The following LDLRAD4 variants were observed in gnomAD, a reference collection of about 807,000 sequenced individuals.
The protein encoded by LDLRAD4 is low density lipoprotein receptor class A domain containing 4.
LDLRAD4 carries 5 observed loss-of-function variants against 17.0 expected under a neutral mutation model. The ratio of observed to expected loss-of-function variants is 0.29; its 90% CI spans 0.15 to 0.62. LDLRAD4 has a LOEUF of 0.62. LDLRAD4 is among the 20% of genes least tolerant of loss of function. The pLI, the probability that LDLRAD4 is intolerant of heterozygous loss-of-function variation, is 0.84. For missense variants in LDLRAD4, 340 were observed against 424.7 expected (o/e 0.80, Z 1.75); for synonymous variants, 168 against 171.8 (o/e 0.98, Z 0.17).
At chr18:13,563,600 G>T (rs1259134491) in intron 3 of LDLRAD4, among the ~76,000 whole-genome samples, 2 of 152,238 alleles carry the variant, frequency 1.3e-5, no homozygotes, top group Non-Finnish European at 2.9e-5. Flanking sequence ...AGGGCACAGA[G>T]CTTCCTTACT....
chr18:13,457,919 C>T (rs1212391245), intron 3 of LDLRAD4, among the ~76,000 whole-genome samples: 1 of 152,200 alleles, frequency 6.6e-6, no homozygotes, highest in African/African-American at 2.4e-5. Flanking sequence ...AGGGATGTGG[C>T]AAATACTTAA....
intron 1 of LDLRAD4, among the ~76,000 whole-genome samples, chr18:13,305,611 A>G (rs2046867277): frequency 1.3e-5 from 2 of 152,240 alleles, no homozygotes; most frequent in Admixed American, 1.3e-4. Context: ...AGTGCTCCCA[A>G]GAAGCAGAGA....
intron 1 of LDLRAD4, among the ~76,000 whole-genome samples, chr18:13,356,393 CTTAT>C (rs2083345811): frequency 6.6e-6 from 1 of 152,168 alleles, no homozygotes; most frequent in Admixed American, 6.5e-5. Context: ...GCTAGTGTAG[CTTAT>C]TTGAGAAAAA....
chr18:13,376,041 C>G (rs769984235), intron 1 of LDLRAD4, among the ~76,000 whole-genome samples: 1 of 152,066 alleles, frequency 6.6e-6, no homozygotes, highest in African/African-American at 2.4e-5. Flanking sequence ...GAAATCAAGT[C>G]CTCGTTCTTG....
chr18:13,253,048 C>A (rs1169100294), intron 1 of LDLRAD4, among the ~76,000 whole-genome samples: 1 of 152,100 alleles, frequency 6.6e-6, no homozygotes, highest in African/African-American at 2.4e-5. Flanking sequence ...ACTCTGGGCA[C>A]CCTGTAACTG....
chr18:13,491,317 T>A (rs1297701303), intron 3 of LDLRAD4: 2 of 152,160 alleles, frequency 1.3e-5, no homozygotes, highest in Admixed American at 1.3e-4. Context: ...AGCCGGCTGC[T>A]CCTCCACTAT....
At chr18:13,571,639 T>C (rs1189600496) in intron 3 of LDLRAD4, among the ~76,000 whole-genome samples, 1 of 152,196 alleles carries the variant, frequency 6.6e-6, no homozygotes, top group Non-Finnish European at 1.5e-5. Flanking sequence ...AAACTTTTTA[T>C]TTATTTATTT....
chr18:13,320,126 T>C (rs1460154498), intron 1 of LDLRAD4, among the ~76,000 whole-genome samples: 2 of 152,260 alleles, frequency 1.3e-5, no homozygotes, highest in African/African-American at 4.8e-5. Flanking sequence ...ACATATTTTA[T>C]TGCATATCTG....
chr18:13,321,051 T>C (rs937516474), intron 1 of LDLRAD4, among the ~76,000 whole-genome samples: 1 of 152,162 alleles, frequency 6.6e-6, no homozygotes, highest in Admixed American at 6.5e-5. Context: ...ATACTTGGTT[T>C]TGCAGCTCCC....
intron 1 of LDLRAD4, among the ~76,000 whole-genome samples, chr18:13,374,058 TGGA>T (rs1432495439): frequency 2.0e-5 from 3 of 152,244 alleles, no homozygotes; most frequent in Admixed American, 6.5e-5. Flanking sequence ...CTCAACCACG[TGGA>T]ATTTGCTTTT....
At chr18:13,436,748 C>T (rs529293310) in intron 2 of LDLRAD4, among the ~76,000 whole-genome samples, 3 of 152,222 alleles carry the variant, frequency 2.0e-5, no homozygotes, top group African/African-American at 4.8e-5. Flanking sequence ...TCCAGCAGCA[C>T]CCCCACCACG....
chr18:13,540,327 G>A (rs959868855), intron 3 of LDLRAD4, among the ~76,000 whole-genome samples: 2 of 152,178 alleles, frequency 1.3e-5, no homozygotes, highest in Admixed American at 6.5e-5. Flanking sequence ...ATAAACACAG[G>A]GACTCAATAT....
intron 3 of LDLRAD4, among the ~76,000 whole-genome samples, chr18:13,492,140 G>T (rs190515410): frequency 1.3e-5 from 2 of 152,188 alleles, no homozygotes; most frequent in Admixed American, 6.5e-5. Flanking sequence ...ACCGATTCGG[G>T]CAAGTCTAGC....
At chr18:13,597,882 T>G (rs1357110428) in intron 3 of LDLRAD4, among the ~76,000 whole-genome samples, 1 of 152,240 alleles carries the variant, frequency 6.6e-6, no homozygotes, top group Non-Finnish European at 1.5e-5. Context: ...CAGATAATTC[T>G]ATTTCTTTAT....
Position 13,279,396 on chromosome 18 carries a change from G to C in LDLRAD4, c.-383+1208G>C, listed in dbSNP as rs1227502213. ...GGGCGGCGGCAGCGCCTCTCTACCAGGGCTGACAAAAGCGTGGGTGCAGTT... is the reference window on the plus strand; with the variant it reads ...GGGCGGCGGCAGCGCCTCTCTACCACGGCTGACAAAAGCGTGGGTGCAGTT... On this transcript the variant is annotated intron_variant, in intron 1 of 5. Coordinates refer to ENST00000359446, the Ensembl canonical transcript of LDLRAD4. 2.0e-5 allele frequency: 3 copies of C among 152,210 alleles called. No homozygotes were observed. The South Asian group carries it at 6.2e-4, about 32-fold the overall frequency. The allele number at this position is 152,210 out of a possible 1,614,324, so 9.4% of individuals were successfully genotyped here.
At chr18:13,360,938 A>G (rs2083627034) in intron 1 of LDLRAD4, among the ~76,000 whole-genome samples, 1 of 152,216 alleles carries the variant, frequency 6.6e-6, no homozygotes, top group Admixed American at 6.5e-5. Flanking sequence ...ATGAGTGGGA[A>G]CTGAGTATAA....
chr18:13,406,292 A>G (rs927484017), intron 2 of LDLRAD4, among the ~76,000 whole-genome samples: 4 of 152,174 alleles, frequency 2.6e-5, no homozygotes, highest in African/African-American at 9.6e-5. Flanking sequence ...AGTTGGGAAC[A>G]CATGGTGCCA....
At chr18:13,408,251 G>A (rs2087957055) in intron 2 of LDLRAD4, among the ~76,000 whole-genome samples, 1 of 151,768 alleles carries the variant, frequency 6.6e-6, no homozygotes, top group African/African-American at 2.4e-5. Flanking sequence ...GTGCAGGCCT[G>A]TAGTCCCAGC....
intron 1 of LDLRAD4, among the ~76,000 whole-genome samples, chr18:13,250,055 T>C (rs55722731): frequency 0.054 from 8,171 of 152,252 alleles, 522 homozygotes; most frequent in African/African-American, 0.15. Context: ...TAAACGTGCC[T>C]AGCACTATTT....
Sources: allele counts gnomAD v4.1 joint callset (sites outside exome capture counted in the v4.1 genomes callset), GRCh38; gene constraint gnomAD v4.1.1; transcripts MANE v1.5; gene names NCBI Gene and HGNC (gene_info 2026-07-23, HGNC 2026-07-21).